The following ROBO2 variants were observed in gnomAD, a reference collection of about 807,000 sequenced individuals.
The protein encoded by ROBO2 is roundabout guidance receptor 2.
Under a neutral mutation model 160.8 loss-of-function variants are expected in ROBO2, and 53 were observed. The observed-to-expected ratio is 0.33, with a 90% CI of 0.26 to 0.41. The LOEUF is 0.41. Ranked by LOEUF, ROBO2 falls within the 10% of genes least tolerant of loss-of-function variation. The pLI is 1.00. For synonymous variants in ROBO2, 664 were observed against 611.7 expected (o/e 1.09, Z -1.26); for missense variants, 1,577 against 1,722.4 (o/e 0.92, Z 1.49).
At chr3:76,124,379 A>G (rs913050529) in intron 2 of ROBO2, among the ~76,000 whole-genome samples, 1 of 152,012 alleles carries the variant, frequency 6.6e-6, no homozygotes, top group Non-Finnish European at 1.5e-5. Context: ...TATACTCCTT[A>G]TATGCCCTAA....
At chr3:76,236,216 T>A (rs1704934662) in intron 2 of ROBO2, among the ~76,000 whole-genome samples, 2 of 152,114 alleles carry the variant, frequency 1.3e-5, no homozygotes, top group Non-Finnish European at 1.5e-5. Flanking sequence ...TATAGATGTA[T>A]TCAGTTTTAA....
At chr3:76,060,027 G>C (rs1052815648) in intron 2 of ROBO2, among the ~76,000 whole-genome samples, 1 of 152,100 alleles carries the variant, frequency 6.6e-6, no homozygotes, top group Non-Finnish European at 1.5e-5. Context: ...TTTGGTACCA[G>C]AGAAACTCTT....
chr3:76,395,594 A>G (rs1296769089), intron 2 of ROBO2, among the ~76,000 whole-genome samples: 3 of 151,924 alleles, frequency 2.0e-5, no homozygotes, highest in Non-Finnish European at 2.9e-5. Flanking sequence ...TAAAGAAAAA[A>G]AGAGAGAAGA....
chr3:76,720,730 C>A (rs139570298), intron 2 of ROBO2, among the ~76,000 whole-genome samples: 1 of 152,142 alleles, frequency 6.6e-6, no homozygotes, highest in Non-Finnish European at 1.5e-5. Flanking sequence ...ATTTCGCTTT[C>A]CAATTAAAAT....
rs2070117097 is a variant in ROBO2 at position 77,090,755 on chromosome 3, C to T, written c.62-7259C>T. Among the ~76,000 whole-genome samples, 4 of 152,114 alleles carry T rather than the reference C, an allele frequency of 2.6e-5. No homozygotes were observed. The South Asian group carries it at 8.3e-4, about 32-fold the overall frequency. On this transcript the variant is annotated intron_variant, in intron 1 of 25. Transcript: ENST00000461745. ...TGTGTTCTTTATTTGTACCACACTG[C>T]CTCCTTCCTATTGCGATGTGTCAGG...
rs534318173 is a variant in ROBO2 at position 77,635,656 on chromosome 3, A to G, written c.3934+613A>G. Among the ~76,000 whole-genome samples, 95 of 152,314 alleles carry G rather than the reference A, an allele frequency of 6.2e-4. 1 individual carries two copies. The highest frequency in any genetic ancestry group is 9.8e-4 in the Admixed American group (15 of 15,302). On this transcript the variant is annotated intron_variant, in intron 24 of 25. Coordinates refer to ENST00000461745, the Ensembl canonical transcript of ROBO2. Reference sequence around the variant, plus strand: ...ACCTTTTTTGTTTAAATATGCAAATATTTACCATTGTGTTATAACTGCCTA... The same window carrying G: ...ACCTTTTTTGTTTAAATATGCAAATGTTTACCATTGTGTTATAACTGCCTA...
chr3:77,399,722 G>T (rs1380276789), intron 2 of ROBO2, among the ~76,000 whole-genome samples: 1 of 152,124 alleles, frequency 6.6e-6, no homozygotes, highest in Non-Finnish European at 1.5e-5. Flanking sequence ...TTCACATGGT[G>T]CCTGTGTATG....
intron 2 of ROBO2, among the ~76,000 whole-genome samples, chr3:77,235,337 A>C (rs1320682148): frequency 6.6e-6 from 1 of 151,774 alleles, no homozygotes; most frequent in Non-Finnish European, 1.5e-5. Flanking sequence ...TATGCATTCT[A>C]TAATATGAGA....
intron 2 of ROBO2, among the ~76,000 whole-genome samples, chr3:77,103,770 T>C (rs927105803): frequency 5.3e-5 from 8 of 152,186 alleles, no homozygotes; most frequent in Non-Finnish European, 1.2e-4. Context: ...TCCTGTTTGC[T>C]TAAATAGAAA....
chr3:76,933,357 T>C (rs1023754134), intron 2 of ROBO2, among the ~76,000 whole-genome samples: 15 of 152,180 alleles, frequency 9.9e-5, no homozygotes, highest in Admixed American at 7.2e-4. Context: ...TCAGCAAATT[T>C]TTAGAACTTG....
chr3:76,066,829 A>C (rs2068268845), intron 2 of ROBO2, among the ~76,000 whole-genome samples: 1 of 151,988 alleles, frequency 6.6e-6, no homozygotes, highest in Admixed American at 6.5e-5. Context: ...TTTTATATAA[A>C]TATTAAAAGA....
intron 2 of ROBO2, among the ~76,000 whole-genome samples, chr3:76,598,426 TAC>T (rs1553822489): frequency 6.6e-6 from 1 of 152,122 alleles, no homozygotes; most frequent in Non-Finnish European, 1.5e-5. Flanking sequence ...TAGAACTAAA[TAC>T]ACACACATGC....
chr3:76,444,354 G>A (rs2077069692), intron 2 of ROBO2, among the ~76,000 whole-genome samples: 3 of 152,092 alleles, frequency 2.0e-5, no homozygotes, highest in Admixed American at 1.3e-4. Flanking sequence ...ATCACAAGAT[G>A]TAAAGTAACT....
At chr3:77,097,819 A>G (rs767283466) in intron 1 of ROBO2, among the ~76,000 whole-genome samples, 195 bp from the exon 2 acceptor site, 4 of 152,174 alleles carry the variant, frequency 2.6e-5, no homozygotes, top group African/African-American at 9.7e-5. Flanking sequence ...TTGAGTTAAC[A>G]TATTAATTTA....
intron 2 of ROBO2, among the ~76,000 whole-genome samples, chr3:76,666,505 T>C (rs183759650): frequency 4.5e-3 from 687 of 152,256 alleles, no homozygotes; most frequent in Non-Finnish European, 6.5e-3. Flanking sequence ...TGAGCAGAAC[T>C]ATGGTGTTTT....
intron 2 of ROBO2, among the ~76,000 whole-genome samples, chr3:77,386,460 A>C (rs1481533845): frequency 6.6e-6 from 1 of 152,146 alleles, no homozygotes; most frequent in African/African-American, 2.4e-5. Flanking sequence ...GTGAAAATTA[A>C]ATTATAGAAA....
chr3:76,928,502 C>T (rs940375933), intron 2 of ROBO2, among the ~76,000 whole-genome samples: 3 of 149,754 alleles, frequency 2.0e-5, no homozygotes, highest in Non-Finnish European at 4.4e-5. Context: ...CAAATAACAG[C>T]CTTCCAATTC....
intron 2 of ROBO2, among the ~76,000 whole-genome samples, chr3:77,164,925 G>T (rs562036008): frequency 8.8e-6 from 1 of 113,452 alleles, no homozygotes; most frequent in Non-Finnish European, 2.1e-5. Flanking sequence ...CGCCCCGTCC[G>T]GGAGGGAGGT....
intron 2 of ROBO2, among the ~76,000 whole-genome samples, chr3:76,922,424 G>A (rs2076728170): frequency 6.6e-6 from 1 of 152,210 alleles, no homozygotes; most frequent in Non-Finnish European, 1.5e-5. Context: ...AGCATGAGGA[G>A]GAAATAATTG....
Sources: gnomAD v4.1 joint callset for allele counts (sites outside exome capture counted in the v4.1 genomes callset) on GRCh38, gnomAD v4.1.1 for gene constraint, MANE v1.5 for transcripts, NCBI Gene and HGNC (gene_info 2026-07-23, HGNC 2026-07-21) for gene names.